The following UBE2H variants were observed in gnomAD, a reference collection of about 807,000 sequenced individuals.
UBE2H encodes the protein ubiquitin-conjugating enzyme E2 H.
UBE2H carries 3 observed loss-of-function variants against 29.0 expected under a neutral mutation model. That is an observed-to-expected ratio of 0.10 (90% CI 0.05 to 0.27). UBE2H has a LOEUF of 0.27. Among genes scored for constraint, UBE2H ranks in the 10% least tolerant of loss-of-function variants. The pLI is 1.00. For missense variants in UBE2H, 68 were observed against 228.2 expected, an observed-to-expected ratio of 0.30 and a Z score of 4.52; for synonymous variants, 69 against 82.9, an observed-to-expected ratio of 0.83 and a Z score of 0.91.
intron 1 of UBE2H, among the ~76,000 whole-genome samples, chr7:129,881,725 C>T (rs1269043108): frequency 6.6e-6 from 1 of 152,074 alleles, no homozygotes; most frequent in Non-Finnish European, 1.5e-5. Flanking sequence ...CTCTCCTCCT[C>T]AATCTATCCC....
intron 3 of UBE2H, 138 bp downstream of exon 3, chr7:129,879,430 G>A: frequency 1.3e-6 from 1 of 764,174 alleles, no homozygotes; most frequent in Non-Finnish European, 2.2e-6. Flanking sequence ...AAAAGTCACT[G>A]ATTAATTAAC....
chr7:129,857,551 C>A lies in UBE2H; in HGVS notation c.258G>T (p.Val86=). ...HPNIDEASGT[V]CLDVINQTWT... is the part of the protein sequence containing the mutation. ...AAGTTTGATTAATTACATCTAGACA[C>A]ACAGTTCCTGACCTGAAACAGATGG... Residue 86 remains valine, a synonymous_variant, in exon 5 of 7, where the codon GTG becomes GTT. Coordinates refer to ENST00000355621, the MANE Select transcript of UBE2H (RefSeq NM_003344.4). The A allele has an allele frequency of 3.1e-6, 5 of 1,611,712 alleles. No individual in the cohort carries two copies. The highest frequency in any genetic ancestry group is 4.2e-6 in the Non-Finnish European group (5 of 1,179,018).
At chr7:129,880,780 T>A in intron 2 of UBE2H, 115 bp downstream of exon 2, 1 of 794,360 alleles carries the variant, frequency 1.3e-6, no homozygotes, top group Non-Finnish European at 2.0e-6. Context: ...GGTTCTGCAG[T>A]CCAACTAAAC....
intron 1 of UBE2H, among the ~76,000 whole-genome samples, chr7:129,931,242 G>A (rs982507790): frequency 5.3e-5 from 8 of 151,216 alleles, no homozygotes; most frequent in Middle Eastern, 3.4e-3. Context: ...AAAAAAAATT[G>A]CCACGCGTGG....
chr7:129,845,016 G>C (rs1805488801), intron 5 of UBE2H, among the ~76,000 whole-genome samples: 1 of 152,138 alleles, frequency 6.6e-6, no homozygotes, highest in African/African-American at 2.4e-5. Context: ...TGTAATCCCA[G>C]CTACTTGGGA....
intron 1 of UBE2H, among the ~76,000 whole-genome samples, chr7:129,900,306 T>C (rs113244079): frequency 9.5e-4 from 145 of 152,056 alleles, no homozygotes; most frequent in Non-Finnish European, 1.7e-3. Context: ...GATTTAATTA[T>C]CTCAACATCC....
At chr7:129,935,414 GAA>G (rs77698999) in intron 1 of UBE2H, among the ~76,000 whole-genome samples, 24 of 82,008 alleles carry the variant, frequency 2.9e-4, no homozygotes, top group East Asian at 8.5e-4. Flanking sequence ...CTGTCTCAAA[GAA>G]AAAAAAAAAA....
chr7:129,930,906 T>A (rs1584793576), intron 1 of UBE2H, among the ~76,000 whole-genome samples: 1 of 32,754 alleles, frequency 3.1e-5, no homozygotes, highest in Admixed American at 5.3e-4. Context: ...AGACCCCGTC[T>A]CACAAAAAAA....
In UBE2H at chr7:129,861,585, C is replaced by T. The variant is rs1333245250; in HGVS notation, c.206-2644G>A. On this transcript the variant is annotated intron_variant, in intron 3 of 6. Coordinates refer to ENST00000355621, the MANE Select transcript of UBE2H (RefSeq NM_003344.4). ...TTAATAGTTGAGCTTAAAAAAACTCCGAAATAAAAAGTTATCATAGTATCA... is the reference window on the plus strand; with the variant it reads ...TTAATAGTTGAGCTTAAAAAAACTCTGAAATAAAAAGTTATCATAGTATCA... Among the ~76,000 whole-genome samples, 7 of 152,190 alleles carry T rather than the reference C, an allele frequency of 4.6e-5. No homozygotes were observed. In the South Asian group the frequency reaches 6.2e-4, roughly 14 times the overall value.
chr7:129,851,996 C>A (rs528787343), intron 5 of UBE2H, among the ~76,000 whole-genome samples: 1 of 152,298 alleles, frequency 6.6e-6, no homozygotes, highest in East Asian at 1.9e-4. Context: ...CTCTACTTGG[C>A]CTCTATCTAC....
chr7:129,841,062 A>G (rs1805420226), intron 5 of UBE2H, among the ~76,000 whole-genome samples: 1 of 152,252 alleles, frequency 6.6e-6, no homozygotes, highest in Admixed American at 6.5e-5. Flanking sequence ...ACAAAGGATT[A>G]TCTAGACCAA....
At chr7:129,857,617 T>A in intron 4 of UBE2H, 54 bp from the exon 5 acceptor site, 1 of 1,562,346 alleles carries the variant, frequency 6.4e-7, no homozygotes, top group Non-Finnish European at 8.7e-7. Context: ...GTTAGTTGCA[T>A]GTATCTGGCA....
intron 1 of UBE2H, among the ~76,000 whole-genome samples, chr7:129,924,329 G>C (rs184489242): frequency 1.4e-4 from 21 of 152,270 alleles, no homozygotes; most frequent in African/African-American, 5.1e-4. Context: ...ACTTTTCCTA[G>C]TTAACATTAA....
At chr7:129,950,038 T>C (rs1308010000) in intron 1 of UBE2H, among the ~76,000 whole-genome samples, 1 of 152,190 alleles carries the variant, frequency 6.6e-6, no homozygotes, top group Non-Finnish European at 1.5e-5. Flanking sequence ...TTCCTTAAAT[T>C]TTCTGCTAAA....
At chr7:129,952,379 G>A (rs1454265031) in intron 1 of UBE2H, 124 bp downstream of exon 1, 6 of 1,220,096 alleles carry the variant, frequency 4.9e-6, no homozygotes, top group East Asian at 2.7e-5. Flanking sequence ...GGCACTGGGG[G>A]AGGAGGGGAG....
chr7:129,862,605 A>AGC (rs1805822789), intron 3 of UBE2H, among the ~76,000 whole-genome samples: 2 of 152,142 alleles, frequency 1.3e-5, no homozygotes, highest in Admixed American at 1.3e-4. Context: ...GTGAAAGAGG[A>AGC]GCCACCTGGT....
intron 6 of UBE2H, among the ~76,000 whole-genome samples, chr7:129,836,882 A>C (rs1158684390): frequency 4.6e-5 from 1 of 21,800 alleles, no homozygotes; most frequent in East Asian, 1.1e-3. Context: ...TCCGTCTCAA[A>C]AAAAAAAAAA....
Position 129,839,354 on chromosome 7 carries a change from A to T in UBE2H, c.299-19T>A. On this transcript the variant is annotated intron_variant, in intron 5 of 6. Coordinates refer to ENST00000355621, the MANE Select transcript of UBE2H (RefSeq NM_003344.4). ...GTAAGATCTGAAAAACCAAACAAAC[A>T]TGTCACACATGGGAAATGCAAGTTC... 1.2e-6 allele frequency: 2 copies of T among 1,611,482 alleles called. No homozygotes were observed. The highest frequency in any genetic ancestry group is 1.7e-6 in the Non-Finnish European group (2 of 1,178,900).
At chr7:129,913,572 T>G (rs1288246416) in intron 1 of UBE2H, among the ~76,000 whole-genome samples, 2 of 151,552 alleles carry the variant, frequency 1.3e-5, no homozygotes, top group African/African-American at 4.8e-5. Flanking sequence ...CCTGTATGTT[T>G]CATTCGAGCC....
Sources: allele counts gnomAD v4.1 joint callset (sites outside exome capture counted in the v4.1 genomes callset), GRCh38; gene constraint gnomAD v4.1.1; transcripts MANE v1.5; gene names NCBI Gene and HGNC (gene_info 2026-07-23, HGNC 2026-07-21).